The following DCAF6 variants were observed in gnomAD, a reference collection of about 807,000 sequenced individuals.
DCAF6 encodes the protein DDB1- and CUL4-associated factor 6.
In DCAF6, 54 loss-of-function variants were observed where a neutral mutation model predicts 125.1. The ratio of observed to expected loss-of-function variants is 0.43; its 90% CI spans 0.35 to 0.54. The LOEUF (loss-of-function observed/expected upper bound fraction) is 0.54. DCAF6 is among the 20% of genes least tolerant of loss of function. The pLI is 0.01. For missense variants in DCAF6, 934 were observed against 1,161.7 expected (o/e 0.80, Z 2.85); for synonymous variants, 371 against 390.4 (o/e 0.95, Z 0.58).
chr1:167,893,951 C>T, the DCAF6 span: 2 of 1,608,436 alleles, frequency 1.2e-6, no homozygotes, highest in Non-Finnish European at 8.5e-7. Context: ...TCTAAGAAGG[C>T]AGAAGGAGGG....
At chr1:167,893,602 A>G in the DCAF6 span, among the ~76,000 whole-genome samples, 12 of 148,248 alleles carry the variant, frequency 8.1e-5, no homozygotes, top group Middle Eastern at 0.017. Context: ...AGGCTGAGGC[A>G]GGAGAATTGC....
the DCAF6 span, among the ~76,000 whole-genome samples, chr1:167,900,277 A>C: frequency 2.0e-5 from 3 of 152,148 alleles, no homozygotes; most frequent in Admixed American, 6.5e-5. Flanking sequence ...TCTCTGCTAT[A>C]CTGATTTGTC....
Position 168,063,845 on chromosome 1 carries a change from C to T in DCAF6, c.2439+86C>T, listed in dbSNP as rs1691932265. ...CATAATGATTTATCTTCATATATTG[C>T]CAATGGGATTTCAGTATTACATTAT... is the stretch of plus-strand genomic sequence containing the variant. On this transcript the variant is annotated intron_variant, in intron 18 of 21. Coordinates refer to ENST00000367840, the MANE Select transcript of DCAF6 (RefSeq NM_001198956.2). 3 of 1,307,602 alleles carry T rather than the reference C, an allele frequency of 2.3e-6. No individual in the cohort carries two copies. The Admixed American group carries it at 7.2e-5, about 31-fold the overall frequency. The allele number at this position is 1,307,602 out of a possible 1,614,324, so 81.0% of individuals were successfully genotyped here.
chr1:167,934,099 C>T (rs1670990423), upstream of DCAF6, among the ~76,000 whole-genome samples: 2 of 152,076 alleles, frequency 1.3e-5, no homozygotes, highest in Admixed American at 6.6e-5. Context: ...AATAACTGAA[C>T]GAATCCAAGG....
At position 167,993,104 on chromosome 1, in the gene DCAF6, C is replaced by T. The variant is rs1330584574; in HGVS notation, c.689-122C>T. ...AGGAAGAACCTCTACTGGAAATAAA[C>T]GTGATGGCTTTTATTTGTATTGCTA... On this transcript the variant is annotated intron_variant, in intron 6 of 21. Coordinates refer to ENST00000367840, the MANE Select transcript of DCAF6 (RefSeq NM_001198956.2). The T allele has an allele frequency of 4.6e-6, 4 of 864,490 alleles. No individual in the cohort carries two copies. In the South Asian group the frequency reaches 5.8e-5, roughly 13 times the overall value. 53.6% of individuals were successfully genotyped at this position (864,490 alleles called of 1,614,324 possible).
chr1:167,874,066 T>C, the DCAF6 span, among the ~76,000 whole-genome samples: 1 of 152,230 alleles, frequency 6.6e-6, no homozygotes, highest in Non-Finnish European at 1.5e-5. Flanking sequence ...GCACAGTGGC[T>C]CACGCCTGTA....
rs1485596461 is a variant in DCAF6, at chr1:167,993,240, C to T, written c.703C>T (p.Arg235Ter). The change falls in exon 7 of 22, where the codon CGA (arginine) becomes TGA (stop). Residue 235 changes from arginine to a stop codon, truncating the protein, a stop_gained. Transcript: ENST00000367840. LOFTEE classifies it high-confidence loss of function. ...TTCTTTTTTAGGGAATTATGCAGGT[C>T]GAGGGACTACTGGAATGGTTGCCCG... ...GTRATGNYAG[R>*]GTTGMVARFI... 3 of 1,613,562 alleles carry T rather than the reference C, an allele frequency of 1.9e-6. No individual in the cohort carries two copies. Among genetic ancestry groups the T allele is most frequent in the African/African-American group, 1.3e-5 (1 of 74,850 alleles).
chr1:167,991,618 T>C (rs1680844444), intron 6 of DCAF6, among the ~76,000 whole-genome samples: 1 of 152,160 alleles, frequency 6.6e-6, no homozygotes, highest in Non-Finnish European at 1.5e-5. Flanking sequence ...CAGAAATTTA[T>C]TCTCTTAAAT....
the DCAF6 span, among the ~76,000 whole-genome samples, chr1:167,926,624 T>C: frequency 2.0e-5 from 3 of 150,784 alleles, no homozygotes; most frequent in African/African-American, 7.3e-5. Context: ...CTGCAGATGC[T>C]GCTGCTGCTG....
the DCAF6 span, chr1:167,903,905 T>C: frequency 1.2e-6 from 2 of 1,612,476 alleles, no homozygotes; most frequent in Non-Finnish European, 1.7e-6. Context: ...ATTGCACTTA[T>C]GTGGTAGTTG....
At chr1:167,896,586 G>A in the DCAF6 span, 26 of 1,598,626 alleles carry the variant, frequency 1.6e-5, no homozygotes, top group South Asian at 2.2e-5. Flanking sequence ...TTCCATGGTG[G>A]GTACTTACTT....
At chr1:167,904,607 T>C in the DCAF6 span, 7 of 508,352 alleles carry the variant, frequency 1.4e-5, no homozygotes, top group African/African-American at 1.3e-4. Flanking sequence ...TTTCAAACAC[T>C]TCTGAAGAGG....
intron 3 of DCAF6, among the ~76,000 whole-genome samples, chr1:167,970,950 G>A (rs1187546758): frequency 1.3e-5 from 2 of 152,090 alleles, no homozygotes; most frequent in Admixed American, 1.3e-4. Flanking sequence ...TTATGGCATA[G>A]GTGAAAGAGA....
the DCAF6 span, chr1:167,903,789 G>A: frequency 1.2e-6 from 1 of 849,366 alleles, no homozygotes. Context: ...AAGAGGAGGA[G>A]TGCTAAGCAA....
chr1:168,063,433 T>G (rs1414140953), intron 17 of DCAF6, among the ~76,000 whole-genome samples, 188 bp from the exon 18 acceptor site: 1 of 152,222 alleles, frequency 6.6e-6, no homozygotes, highest in South Asian at 2.1e-4. Flanking sequence ...TAAAATACTT[T>G]GTTGTAGTAA....
chr1:167,873,369 A>G, the DCAF6 span, among the ~76,000 whole-genome samples: 2 of 152,152 alleles, frequency 1.3e-5, no homozygotes. Flanking sequence ...CAGTTCTGGA[A>G]CTGTTGCCCT....
chr1:168,044,279 C>T (rs894806517), intron 14 of DCAF6, among the ~76,000 whole-genome samples: 13 of 151,944 alleles, frequency 8.6e-5, no homozygotes, highest in Non-Finnish European at 1.9e-4. Context: ...TACATTTGGC[C>T]CTACATGCCC....
chr1:167,911,215 A>C, the DCAF6 span, among the ~76,000 whole-genome samples: 1 of 152,246 alleles, frequency 6.6e-6, no homozygotes, highest in Non-Finnish European at 1.5e-5. Flanking sequence ...GAGGTATAAA[A>C]AGTAAAGTAG....
chr1:167,932,823 A>AAAAAG (rs1268260359), upstream of DCAF6, among the ~76,000 whole-genome samples: 29 of 150,766 alleles, frequency 1.9e-4, no homozygotes, highest in African/African-American at 4.7e-4. Context: ...AAAAAAAAAA[A>AAAAAG]AAAAGAAAAG....
Sources: allele counts gnomAD v4.1 joint callset (sites outside exome capture counted in the v4.1 genomes callset), GRCh38; gene constraint gnomAD v4.1.1; transcripts MANE v1.5; gene names NCBI Gene and HGNC (gene_info 2026-07-23, HGNC 2026-07-21).